DENND4C: variants seen among roughly 807,000 people sequenced by gnomAD.
The protein encoded by DENND4C is DENN domain-containing protein 4C.
DENND4C carries 108 observed loss-of-function variants against 203.0 expected under a neutral mutation model. That is an observed-to-expected ratio of 0.53 (90% CI 0.46 to 0.62). The LOEUF is 0.62. Ranked by LOEUF, DENND4C falls within the 20% of genes least tolerant of loss-of-function variation. The probability of loss-of-function intolerance (pLI) is 0.00; values close to 1 mark genes in which losing one functional copy is unlikely to be tolerated. For missense variants in DENND4C, 2,481 were observed against 2,301.2 expected, an observed-to-expected ratio of 1.08 and a Z score of -1.60; for synonymous variants, 871 against 792.4, an observed-to-expected ratio of 1.10 and a Z score of -1.67.
At chr9:19,283,525 A>G (rs1046354567) in intron 2 of DENND4C, among the ~76,000 whole-genome samples, 5 of 151,880 alleles carry the variant, frequency 3.3e-5, no homozygotes, top group African/African-American at 9.7e-5. Context: ...TGCTTGCATC[A>G]TCATTATGTG....
At chr9:19,231,401 G>A in intron 1 of DENND4C, among the ~76,000 whole-genome samples, 1 of 152,242 alleles carries the variant, frequency 6.6e-6, no homozygotes, top group East Asian at 1.9e-4. Flanking sequence ...GATCCTCAGG[G>A]CTTCTTTGTC....
At position 19,332,051 on chromosome 9, in the gene DENND4C, G is replaced by A; in HGVS notation, c.2327G>A (p.Ser776Asn). The change falls in exon 17 of 33, where the codon AGT becomes AAT. Residue 776 changes from serine (S) to asparagine (N), a missense_variant. Ser to Asn is a conservative substitution (Grantham distance 46, BLOSUM62 1). Transcript: ENST00000434457. ...NPPQWAKCLFSHCYSLWFICL... is the reference protein window; with the variant it reads ...NPPQWAKCLFNHCYSLWFICL... ...CCACAGTGGGCCAAGTGTCTGTTTA[G>A]TCATTGTTACAGTTTATGGTTTATT... 6.2e-7 allele frequency: 1 copy of A among 1,614,046 alleles called. No individual in the cohort carries two copies. Among genetic ancestry groups the A allele is most frequent in the Non-Finnish European group, 8.5e-7 (1 of 1,179,998 alleles).
intron 30 of DENND4C, among the ~76,000 whole-genome samples, chr9:19,368,640 T>C (rs1828178062): frequency 6.6e-6 from 1 of 151,640 alleles, no homozygotes; most frequent in African/African-American, 2.4e-5. Context: ...CTACAAAAAA[T>C]AAAAATAAAA....
At chr9:19,269,588 G>C (rs1214280342) in intron 1 of DENND4C, among the ~76,000 whole-genome samples, 1 of 152,156 alleles carries the variant, frequency 6.6e-6, no homozygotes, top group Non-Finnish European at 1.5e-5. Flanking sequence ...CAGAATTTCT[G>C]CTGGATTTTA....
At chr9:19,293,384 T>G (rs927902374) in intron 5 of DENND4C, among the ~76,000 whole-genome samples, 1 of 152,190 alleles carries the variant, frequency 6.6e-6, no homozygotes, top group African/African-American at 2.4e-5. Context: ...AGGGTTATAA[T>G]GAAAAAACAG....
intron 23 of DENND4C, among the ~76,000 whole-genome samples, chr9:19,348,870 A>C (rs1823485730): frequency 6.6e-6 from 1 of 152,116 alleles, no homozygotes; most frequent in Admixed American, 6.5e-5. Context: ...ATACAGTGGC[A>C]CAGGGATGGC....
intron 1 of DENND4C, among the ~76,000 whole-genome samples, chr9:19,265,723 G>C (rs1429960074): frequency 1.3e-5 from 2 of 152,098 alleles, no homozygotes; most frequent in African/African-American, 4.8e-5. Context: ...CTGTCCTTGC[G>C]ATAGTTTGTT....
At chr9:19,312,914 G>C (rs192982629) in intron 10 of DENND4C, among the ~76,000 whole-genome samples, 7 of 152,156 alleles carry the variant, frequency 4.6e-5, no homozygotes, top group African/African-American at 1.7e-4. Flanking sequence ...TTTAATTTCA[G>C]ATATTCTGTG....
At position 19,242,724 on chromosome 9, in the gene DENND4C, C is replaced by A. The variant is rs1250861460; in HGVS notation, c.-18+11891C>A. Reference sequence around the variant, plus strand: ...AGGCTGGAGTGCAATGGCGAGATCTCGGCTCACTGCAACCTCTGCCTCCTG... The same window carrying A: ...AGGCTGGAGTGCAATGGCGAGATCTAGGCTCACTGCAACCTCTGCCTCCTG... On this transcript the variant is annotated intron_variant, in intron 1 of 32. Transcript: ENST00000434457. Among the ~76,000 whole-genome samples, 10 of 151,828 alleles carry A rather than the reference C, an allele frequency of 6.6e-5. No individual in the cohort carries two copies. In the East Asian group the frequency reaches 1.4e-3, roughly 21 times the overall value.
chr9:19,365,382 T>G (rs1249483993), intron 30 of DENND4C, among the ~76,000 whole-genome samples: 1 of 152,168 alleles, frequency 6.6e-6, no homozygotes, highest in Non-Finnish European at 1.5e-5. Context: ...AAGCTGGGAA[T>G]AGAGAAGATC....
Position 19,276,232 on chromosome 9 carries a change from G to T in DENND4C, c.58G>T (p.Asp20Tyr). 3 of 1,232,054 alleles carry T rather than the reference G, an allele frequency of 2.4e-6. No homozygotes were observed. The highest frequency in any genetic ancestry group is 3.0e-6 in the Non-Finnish European group (3 of 987,896). 76.3% of individuals were successfully genotyped at this position (1,232,054 alleles called of 1,614,324 possible). ...CTACTTTGTCGTAGCTGGTCTCACT[G>T]ACACATCTACTCTTTTGGATCAAGA... ...TDYFVVAGLTDTSTLLDQEIN... is the reference protein window; with the variant it reads ...TDYFVVAGLTYTSTLLDQEIN... The change falls in exon 2 of 33, where the codon GAC becomes TAC. Residue 20 changes from aspartate to tyrosine, a missense_variant. Asp to Tyr is a radical substitution (Grantham distance 160). Transcript: ENST00000434457.
At chr9:19,234,355 C>T (rs940788930) in intron 1 of DENND4C, among the ~76,000 whole-genome samples, 4 of 151,806 alleles carry the variant, frequency 2.6e-5, no homozygotes, top group South Asian at 2.1e-4. Flanking sequence ...CTCACCCTCC[C>T]GAGTAGCTGG....
intron 2 of DENND4C, among the ~76,000 whole-genome samples, chr9:19,284,308 G>A (rs1188458329): frequency 6.6e-6 from 1 of 152,080 alleles, no homozygotes; most frequent in Non-Finnish European, 1.5e-5. Context: ...TTTTTTGTGT[G>A]TGACTGTATA....
intron 30 of DENND4C, among the ~76,000 whole-genome samples, chr9:19,367,063 A>T (rs1482222704): frequency 6.6e-6 from 1 of 152,216 alleles, no homozygotes; most frequent in African/African-American, 2.4e-5. Flanking sequence ...CTTCAAATAA[A>T]ATGTTCAAAT....
chr9:19,328,840 G>C (rs1818455219), intron 16 of DENND4C, among the ~76,000 whole-genome samples: 1 of 151,950 alleles, frequency 6.6e-6, no homozygotes, highest in African/African-American at 2.4e-5. Flanking sequence ...CCTGAGGTCA[G>C]GAGTTCGAGA....
rs1325683475 is a variant in DENND4C, at chr9:19,361,919, A to C, written c.5480A>C (p.His1827Pro). The C allele has an allele frequency of 6.2e-7, 1 of 1,611,876 alleles. No homozygotes were observed. The highest frequency in any genetic ancestry group is 1.7e-5 in the Admixed American group (1 of 60,002). ...CTGTTATGGGATAATATCAACCTTC[A>C]TCAGGAACCAAGAGAACCTCTGTAT... The part of the protein sequence containing the change: ...IQLLWDNINL[H>P]QEPREPLYVS... The change falls in exon 30 of 33, where the codon CAT becomes CCT. Residue 1827 changes from histidine (H) to proline (P), a missense_variant. Around this residue, in one of 3 missense-constraint regions of DENND4C, gnomAD observed 2,289 missense variants for 2,113.3 expected, o/e 1.08. Transcript: ENST00000434457.
At position 19,328,025 on chromosome 9, in the gene DENND4C, T is replaced by G; in HGVS notation, c.2121-5T>G. ...TCAGCAGTTCTATTTTTTTTTTTAT[T>G]TTAGTTACAAATACTTTCCAAGACT... On this transcript the variant is annotated splice_region_variant and splice_polypyrimidine_tract_variant and intron_variant, in intron 15 of 32. Coordinates refer to ENST00000434457, the MANE Select transcript of DENND4C (RefSeq NM_001330640.2). 6.3e-7 allele frequency: 1 copy of G among 1,583,310 alleles called. No individual in the cohort carries two copies. Among genetic ancestry groups the G allele is most frequent in the Non-Finnish European group, 8.5e-7 (1 of 1,171,700 alleles).
At chr9:19,258,392 T>A (rs897020530) in intron 1 of DENND4C, among the ~76,000 whole-genome samples, 2 of 152,136 alleles carry the variant, frequency 1.3e-5, no homozygotes, top group Non-Finnish European at 2.9e-5. Flanking sequence ...ACCAAAGATA[T>A]TACAGGAAAA....
At chr9:19,231,538 C>T (rs1195422540) in intron 1 of DENND4C, among the ~76,000 whole-genome samples, 1 of 151,530 alleles carries the variant, frequency 6.6e-6, no homozygotes, top group Non-Finnish European at 1.5e-5. Context: ...AGAATGCTGT[C>T]ACGTCTTTTT....
Sources: allele counts gnomAD v4.1 joint callset (sites outside exome capture counted in the v4.1 genomes callset), GRCh38; gene constraint gnomAD v4.1.1; regional missense constraint gnomAD v4.1.1; transcripts MANE v1.5; gene names NCBI Gene and HGNC (gene_info 2026-07-23, HGNC 2026-07-21).